Variants in ASIP observed in about 807,000 individuals in gnomAD.
The protein encoded by ASIP is agouti signaling protein.
ASIP carries 11 observed loss-of-function variants against 10.3 expected under a neutral mutation model. That is an observed-to-expected ratio of 1.07 (90% CI 0.68 to 1.78). The LOEUF (loss-of-function observed/expected upper bound fraction) is 1.78, where lower values mean the gene tolerates loss of function less well. Among genes scored for constraint, ASIP ranks in the 40% most tolerant of loss-of-function variants. The pLI, the probability that ASIP is intolerant of heterozygous loss-of-function variation, is 0.00. For synonymous variants in ASIP, 70 were observed against 70.8 expected (o/e 0.99, Z 0.06); for missense variants, 180 against 169.2 (o/e 1.06, Z -0.35).
chr20:34,214,152 T>G, intron 1 of ASIP: 3 of 1,179,630 alleles, frequency 2.5e-6, no homozygotes, highest in Non-Finnish European at 3.8e-6. Context: ...TAATAAATCT[T>G]GTATTCTATT....
chr20:34,189,222 G>A, the ASIP span, among the ~76,000 whole-genome samples: 6 of 152,098 alleles, frequency 3.9e-5, no homozygotes, highest in African/African-American at 1.4e-4. Flanking sequence ...CATGTGGGTA[G>A]CTTAACTGCT....
At chr20:34,222,661 T>G (rs1046163058) in intron 1 of ASIP, among the ~76,000 whole-genome samples, 4 of 151,914 alleles carry the variant, frequency 2.6e-5, no homozygotes, top group African/African-American at 9.7e-5. Context: ...TCCCTCTCCC[T>G]CTCCCCACGG....
chr20:34,263,573 C>A (rs1449913561), intron 3 of ASIP, among the ~76,000 whole-genome samples: 3 of 151,514 alleles, frequency 2.0e-5, no homozygotes, highest in East Asian at 3.9e-4. Flanking sequence ...ACAACAACAA[C>A]AAAAAATTAA....
intron 3 of ASIP, among the ~76,000 whole-genome samples, chr20:34,266,711 A>C (rs1012841418): frequency 2.0e-5 from 3 of 152,188 alleles, no homozygotes; most frequent in African/African-American, 7.2e-5. Context: ...GGCAGATTAT[A>C]AAGTGTTAGA....
intron 1 of ASIP, among the ~76,000 whole-genome samples, chr20:34,253,149 C>T (rs2035507931): frequency 6.6e-6 from 1 of 151,468 alleles, no homozygotes; most frequent in East Asian, 1.9e-4. Flanking sequence ...GCTCTGTTGC[C>T]CAGGCTGGAG....
At chr20:34,249,705 G>A (rs1010246959) in intron 1 of ASIP, among the ~76,000 whole-genome samples, 1 of 152,082 alleles carries the variant, frequency 6.6e-6, no homozygotes, top group Non-Finnish European at 1.5e-5. Context: ...TCCTCCTTTT[G>A]TTAGTTACTT....
chr20:34,189,093 C>T, the ASIP span, among the ~76,000 whole-genome samples: 6 of 152,124 alleles, frequency 3.9e-5, no homozygotes, highest in African/African-American at 9.7e-5. Context: ...TGAGTATTCT[C>T]TAATTCTCAC....
chr20:34,264,168 C>T (rs1265465496), intron 3 of ASIP, among the ~76,000 whole-genome samples: 2 of 152,092 alleles, frequency 1.3e-5, no homozygotes, highest in African/African-American at 2.4e-5. Flanking sequence ...TTTCCCAAAA[C>T]ATATGTACAC....
upstream of ASIP, among the ~76,000 whole-genome samples, chr20:34,240,824 C>A (rs552041279): frequency 6.6e-6 from 1 of 152,302 alleles, no homozygotes; most frequent in South Asian, 2.1e-4. Flanking sequence ...CCCTTCCAAT[C>A]CCTTGTAACC....
intron 1 of ASIP, among the ~76,000 whole-genome samples, chr20:34,224,039 T>A (rs2035075493): frequency 7.8e-6 from 1 of 128,174 alleles, no homozygotes; most frequent in Non-Finnish European, 1.6e-5. Flanking sequence ...TTAAGAGTCA[T>A]CACCAATCCC....
chr20:34,256,755 T>C (rs1359492585), intron 1 of ASIP, among the ~76,000 whole-genome samples: 2 of 152,190 alleles, frequency 1.3e-5, no homozygotes, highest in Admixed American at 1.3e-4. Flanking sequence ...ACATGCCTCT[T>C]GTAACTTGCC....
At chr20:34,260,269 T>C in intron 1 of ASIP, 96 bp from the exon 2 acceptor site, 2 of 1,312,272 alleles carry the variant, frequency 1.5e-6, no homozygotes, top group Non-Finnish European at 2.1e-6. Flanking sequence ...CCTAACAGGG[T>C]CACAACACCA....
At chr20:34,268,782 A>C (rs1183673166) in intron 3 of ASIP, among the ~76,000 whole-genome samples, 4 of 151,808 alleles carry the variant, frequency 2.6e-5, no homozygotes, top group Admixed American at 6.6e-5. Flanking sequence ...ACTAGGGAGA[A>C]GACGACCAGG....
intron 1 of ASIP, among the ~76,000 whole-genome samples, chr20:34,219,257 G>A (rs568766721): frequency 6.6e-5 from 10 of 152,190 alleles, no homozygotes; most frequent in Admixed American, 1.3e-4. Context: ...AGGAAGGAGA[G>A]AATCAAGGAG....
chr20:34,239,423 G>T (rs889807094), upstream of ASIP, among the ~76,000 whole-genome samples: 1 of 152,082 alleles, frequency 6.6e-6, no homozygotes, highest in African/African-American at 2.4e-5. Context: ...CACCATGTTG[G>T]CCAGGCTCTT....
intron 1 of ASIP, among the ~76,000 whole-genome samples, chr20:34,200,055 T>C (rs1406170172): frequency 1.3e-5 from 2 of 152,252 alleles, no homozygotes; most frequent in Non-Finnish European, 2.9e-5. Flanking sequence ...GTTTCTAATC[T>C]AATGAAGTCC....
chr20:34,196,331 G>A (rs1437459961), intron 1 of ASIP, among the ~76,000 whole-genome samples: 3 of 151,718 alleles, frequency 2.0e-5, no homozygotes, highest in South Asian at 2.1e-4. Context: ...CCGCCACCAC[G>A]CCCAGCTAAT....
At chr20:34,215,095 G>A (rs2034998671) in intron 1 of ASIP, 1 of 1,567,782 alleles carries the variant, frequency 6.4e-7, no homozygotes, top group African/African-American at 1.4e-5. Flanking sequence ...TTGACACAAA[G>A]ATTCTACTAG....
At chr20:34,222,764 G>C (rs1009051253) in intron 1 of ASIP, among the ~76,000 whole-genome samples, 19 of 149,962 alleles carry the variant, frequency 1.3e-4, no homozygotes, top group East Asian at 6.1e-4. Context: ...TCAGCCTGCC[G>C]AGTGCCTGCA....
Sources: gnomAD v4.1 joint callset for allele counts (sites outside exome capture counted in the v4.1 genomes callset) on GRCh38, gnomAD v4.1.1 for gene constraint, MANE v1.5 for transcripts, NCBI Gene and HGNC (gene_info 2026-07-23, HGNC 2026-07-21) for gene names.